Variants in KANK1 observed in about 807,000 individuals in gnomAD.
KANK1 encodes KN motif and ankyrin repeat domains 1, also known as KN motif and ankyrin repeat domain-containing protein 1.
A neutral mutation model predicts 106.2 loss-of-function variants in KANK1; 109 were observed. That is an observed-to-expected ratio of 1.03 (90% CI 0.88 to 1.20). KANK1 has a LOEUF of 1.20. Ranked by LOEUF, KANK1 falls within the 50% of genes most tolerant of loss-of-function variation. The pLI is 0.00. For missense variants in KANK1, 2,399 were observed against 1,710.7 expected (o/e 1.40, Z -7.10); for synonymous variants, 873 against 652.2 (o/e 1.34, Z -5.16).
In KANK1 at chr9:745,586, C is replaced by T. The variant is rs1300776549; in HGVS notation, c.*351C>T. 3.0e-5 allele frequency: 5 copies of T among 165,682 alleles called. No homozygotes were observed. The highest frequency in any genetic ancestry group is 5.2e-5 in the Non-Finnish European group (4 of 77,268). The allele number at this position is 165,682 out of a possible 1,614,324, so 10.3% of individuals were successfully genotyped here. ...TCACTGAGACGTTTTAAGATTTTTC[C>T]ACAAATATTTATATGTACTAAATGT... On this transcript the variant is annotated 3_prime_UTR_variant, in exon 12 of 12. Coordinates refer to ENST00000382297, the MANE Select transcript of KANK1 (RefSeq NM_015158.5).
chr9:583,002 A>G (rs1822552872), intron 1 of KANK1, among the ~76,000 whole-genome samples: 1 of 152,202 alleles, frequency 6.6e-6, no homozygotes, highest in Non-Finnish European at 1.5e-5. Flanking sequence ...TTGATATCAG[A>G]ATGACACTTA....
intron 3 of KANK1, among the ~76,000 whole-genome samples, chr9:482,795 G>A (rs966296343): frequency 2.2e-4 from 33 of 152,280 alleles, no homozygotes; most frequent in African/African-American, 6.0e-4. Flanking sequence ...CTCTTCAGAC[G>A]CAGTAGTCCT....
At chr9:608,106 C>T (rs1291304043) in intron 1 of KANK1, among the ~76,000 whole-genome samples, 2 of 142,840 alleles carry the variant, frequency 1.4e-5, no homozygotes, top group Admixed American at 7.2e-5. Context: ...GGCGCAATCT[C>T]GGCTCACTGC....
rs201262082 is a variant in KANK1 at position 710,917 on chromosome 9, G to A, written c.151G>A (p.Asp51Asn). 141 of 1,613,992 alleles carry A rather than the reference G, an allele frequency of 8.7e-5. 1 individual carries two copies. The highest frequency in any genetic ancestry group is 1.1e-4 in the African/African-American group (8 of 74,894). ...LDLDFLKYVD[D>N]IQKGNTIKRL... ...CTTAGATTTCCTCAAATATGTGGATGACATACAGAAGGGAAATACCATCAA... is the reference window on the plus strand; with the variant it reads ...CTTAGATTTCCTCAAATATGTGGATAACATACAGAAGGGAAATACCATCAA... The change falls in exon 3 of 12, where the codon GAC becomes AAC. Residue 51 changes from aspartate to asparagine, a missense_variant. Coordinates refer to ENST00000382297, the MANE Select transcript of KANK1 (RefSeq NM_015158.5).
chr9:625,401 C>G (rs1212699246), intron 1 of KANK1, among the ~76,000 whole-genome samples: 1 of 152,124 alleles, frequency 6.6e-6, no homozygotes, highest in African/African-American at 2.4e-5. Flanking sequence ...GTGAAATAAA[C>G]CTTGTTTCCA....
At chr9:647,550 A>G (rs1839947700) in intron 1 of KANK1, among the ~76,000 whole-genome samples, 1 of 150,812 alleles carries the variant, frequency 6.6e-6, no homozygotes, top group Non-Finnish European at 1.5e-5. Flanking sequence ...AAATATATTT[A>G]ATCCCCACTC....
chr9:592,476 AC>A (rs1296419542), intron 1 of KANK1, among the ~76,000 whole-genome samples: 3 of 133,044 alleles, frequency 2.3e-5, no homozygotes, highest in Admixed American at 7.7e-5. Flanking sequence ...TTCTGTGAGC[AC>A]CCCGATCCCC....
upstream of KANK1, among the ~76,000 whole-genome samples, chr9:504,409 C>G (rs1445797806): frequency 6.6e-6 from 1 of 151,670 alleles, no homozygotes; most frequent in Non-Finnish European, 1.5e-5. Context: ...TGCAGCGGCG[C>G]GCAGGCGCAC....
chr9:735,752 G>A (rs776006706), intron 7 of KANK1: 13 of 437,922 alleles, frequency 3.0e-5, no homozygotes, highest in South Asian at 1.1e-4. Context: ...CCAACACTTC[G>A]GGAGGCCGAT....
chr9:612,646 G>C (rs368537122), intron 1 of KANK1, among the ~76,000 whole-genome samples: 44 of 152,290 alleles, frequency 2.9e-4, no homozygotes, highest in African/African-American at 1.0e-3. Flanking sequence ...CAATGAGACA[G>C]GATTTGTGGG....
Position 734,752 on chromosome 9 carries a change from G to A in KANK1, c.3250G>A (p.Glu1084Lys). Residue 1084 changes from glutamate to lysine, a missense_variant, in exon 7 of 12, where the codon GAA (glutamate) becomes AAA (lysine). Glu to Lys is a moderately conservative substitution (Grantham distance 56). Coordinates refer to ENST00000382297, the MANE Select transcript of KANK1 (RefSeq NM_015158.5). Reference sequence around the variant, plus strand: ...ACTTGTTTTTTCTCCTTTCAGGTATGAATTAAGTGAAAAGATGTTGTCTGC... The same window carrying A: ...ACTTGTTTTTTCTCCTTTCAGGTATAAATTAAGTGAAAAGATGTTGTCTGC... ...PEKVEIRERY[E>K]LSEKMLSACN... is the part of the protein sequence containing the mutation. 1 of 1,602,916 alleles carries A rather than the reference G, an allele frequency of 6.2e-7. No individual in the cohort carries two copies.
At chr9:483,635 G>T (rs1251868914) in intron 3 of KANK1, among the ~76,000 whole-genome samples, 1 of 152,172 alleles carries the variant, frequency 6.6e-6, no homozygotes, top group Non-Finnish European at 1.5e-5. Flanking sequence ...GGTTCCTGGT[G>T]CCATCCCTAA....
intron 1 of KANK1, among the ~76,000 whole-genome samples, chr9:620,033 A>G (rs1240733556): frequency 1.3e-5 from 2 of 152,042 alleles, no homozygotes; most frequent in Non-Finnish European, 2.9e-5. Context: ...GCTGCTAGGG[A>G]GGCTGAGGCA....
intron 3 of KANK1, among the ~76,000 whole-genome samples, chr9:722,823 G>A (rs746055496): frequency 6.6e-5 from 10 of 152,268 alleles, no homozygotes; most frequent in Non-Finnish European, 1.0e-4. Flanking sequence ...CAATGGTCCC[G>A]CACTGTTCTA....
intron 1 of KANK1, among the ~76,000 whole-genome samples, chr9:582,687 A>G (rs1226914590): frequency 1.3e-5 from 2 of 152,222 alleles, no homozygotes; most frequent in Admixed American, 6.5e-5. Flanking sequence ...GAGTATGGCA[A>G]AGCTTGCACA....
At chr9:571,882 G>A (rs935253363) in intron 1 of KANK1, among the ~76,000 whole-genome samples, 2 of 152,152 alleles carry the variant, frequency 1.3e-5, no homozygotes, top group African/African-American at 4.8e-5. Context: ...TAAGGACTCT[G>A]AGTTTGTACT....
intron 1 of KANK1, among the ~76,000 whole-genome samples, chr9:577,538 C>G (rs1191698123): frequency 6.6e-6 from 1 of 152,178 alleles, no homozygotes; most frequent in East Asian, 1.9e-4. Context: ...CAAGTCCGCA[C>G]CCGACCCAGA....
chr9:606,292 C>CAGTGCTTTCTT (rs1829139981), intron 1 of KANK1, among the ~76,000 whole-genome samples: 10 of 138,924 alleles, frequency 7.2e-5, no homozygotes, highest in African/African-American at 2.7e-4. Flanking sequence ...GGCGGTGGCT[C>CAGTGCTTTCTT]ACACCTGAAA....
chr9:607,069 A>T (rs935551423), intron 1 of KANK1, among the ~76,000 whole-genome samples: 2 of 151,838 alleles, frequency 1.3e-5, no homozygotes, highest in African/African-American at 2.4e-5. Context: ...TCTTTAAAAC[A>T]GGGTCTTAGA....
Sources: allele counts gnomAD v4.1 joint callset (sites outside exome capture counted in the v4.1 genomes callset), GRCh38; gene constraint gnomAD v4.1.1; transcripts MANE v1.5; gene names NCBI Gene and HGNC (gene_info 2026-07-23, HGNC 2026-07-21).